Variants in ADAM18 observed in about 807,000 individuals in gnomAD.
The protein encoded by ADAM18 is disintegrin and metalloproteinase domain-containing protein 18.
A neutral mutation model predicts 94.4 loss-of-function variants in ADAM18; 117 were observed. The ratio of observed to expected loss-of-function variants is 1.24; its 90% confidence interval spans 1.07 to 1.45. The LOEUF (loss-of-function observed/expected upper bound fraction) is 1.45. ADAM18 is among the 40% of genes most tolerant of loss of function. ADAM18 has a pLI of 0.00. For synonymous variants in ADAM18, 327 were observed against 291.6 expected (o/e 1.12, Z -1.24); for missense variants, 936 against 880.0 (o/e 1.06, Z -0.81).
intron 10 of ADAM18, among the ~76,000 whole-genome samples, chr8:39,642,595 T>C (rs896625185): frequency 2.0e-5 from 3 of 152,128 alleles, no homozygotes; most frequent in Admixed American, 6.6e-5. Flanking sequence ...GGGATCTCTA[T>C]TCTGTTCCAT....
At chr8:39,672,468 G>T (rs1821182529) in intron 14 of ADAM18, among the ~76,000 whole-genome samples, 1 of 152,186 alleles carries the variant, frequency 6.6e-6, no homozygotes, top group Non-Finnish European at 1.5e-5. Flanking sequence ...GTGTCAGGGA[G>T]AGAGTTAATA....
rs112948747 is a variant in ADAM18, at chr8:39,630,811, G to T, written c.588+1372G>T. On this transcript the variant is annotated intron_variant, in intron 7 of 19. Transcript: ENST00000265707. The stretch of plus-strand genomic sequence containing the variant: ...CTTTGGACAATATTGGTAAACAGTT[G>T]AAAAGTTATTATAGTAATTTCGTAT... 9.7e-3 allele frequency among the ~76,000 whole-genome samples: 1,481 copies of T among 152,014 alleles called. 30 individuals carry two copies. The highest frequency in any genetic ancestry group is 0.034 in the African/African-American group (1,406 of 41,526).
chr8:39,702,795 G>C (rs111711861), intron 17 of ADAM18, among the ~76,000 whole-genome samples: 1 of 152,042 alleles, frequency 6.6e-6, no homozygotes, highest in Non-Finnish European at 1.5e-5. Flanking sequence ...GATAGTTGTC[G>C]GTGTGTGATC....
chr8:39,713,193 G>A (rs926344794), intron 18 of ADAM18, among the ~76,000 whole-genome samples: 14 of 152,156 alleles, frequency 9.2e-5, no homozygotes, highest in African/African-American at 3.4e-4. Flanking sequence ...ATGGGGAAAG[G>A]ATTCACTATT....
At position 39,629,391 on chromosome 8, in the gene ADAM18, A is replaced by T. The variant is rs763445253; in HGVS notation, c.540A>T (p.Lys180Asn). The T allele has an allele frequency of 1.0e-5, 16 of 1,580,124 alleles. No individual in the cohort carries two copies. In the East Asian group the frequency reaches 3.7e-4, roughly 36 times the overall value. The change falls in exon 7 of 20, where the codon AAA becomes AAT. Residue 180 changes from lysine (K) to asparagine (N), a missense_variant. Transcript: ENST00000265707. ...PLNSQIKNLS[K>N]LLPQYLEIYI... ...TTTTCCAGATAAAAAATCTTTCAAAACTATTACCCCAATATCTGGAAATAT... is the reference window on the plus strand; with the variant it reads ...TTTTCCAGATAAAAAATCTTTCAAATCTATTACCCCAATATCTGGAAATAT...
intron 19 of ADAM18, among the ~76,000 whole-genome samples, chr8:39,726,068 C>T (rs1822896967): frequency 6.6e-6 from 1 of 151,954 alleles, no homozygotes; most frequent in Admixed American, 6.5e-5. Context: ...GTAAAGTAAG[C>T]CATTCTAAAT....
chr8:39,695,135 G>A (rs1450854882), intron 17 of ADAM18, among the ~76,000 whole-genome samples: 1 of 151,424 alleles, frequency 6.6e-6, no homozygotes, highest in Non-Finnish European at 1.5e-5. Flanking sequence ...ATCTATTAAA[G>A]GACAATGTGG....
intron 12 of ADAM18, 129 bp downstream of exon 12, chr8:39,648,656 C>A: frequency 1.1e-6 from 1 of 894,032 alleles, no homozygotes; most frequent in Non-Finnish European, 1.6e-6. Context: ...ATATGAGAAA[C>A]AGGATGAGTT....
intron 1 of ADAM18, 125 bp from the exon 2 acceptor site, chr8:39,585,151 A>G (rs958591962): frequency 1.5e-6 from 1 of 655,448 alleles, no homozygotes; most frequent in Non-Finnish European, 2.7e-6. Flanking sequence ...GAGTGTGAGC[A>G]CATGAGAGAA....
chr8:39,629,423 T>A lies in ADAM18; in HGVS notation c.572T>A (p.Ile191Lys), dbSNP rs1280072933. 1 of 1,583,116 alleles carries A rather than the reference T, an allele frequency of 6.3e-7. No individual in the cohort carries two copies. Among genetic ancestry groups the A allele is most frequent in the African/African-American group, 1.4e-5 (1 of 73,010 alleles). ...LLPQYLEIYIIVEKALYDYMG... is the reference protein window; with the variant it reads ...LLPQYLEIYIKVEKALYDYMG... The stretch of plus-strand genomic sequence containing the variant: ...CCCCAATATCTGGAAATATACATTA[T>A]AGTGGAAAAAGCTTTGGTAAGTATG... Residue 191 changes from isoleucine to lysine, a missense_variant, in exon 7 of 20, where the codon ATA (isoleucine) becomes AAA (lysine). Physicochemically the swap from Ile to Lys is moderately radical, Grantham distance 102. Coordinates refer to ENST00000265707, the MANE Select transcript of ADAM18 (RefSeq NM_014237.3).
At chr8:39,709,148 T>C (rs894508998) in intron 18 of ADAM18, among the ~76,000 whole-genome samples, 3 of 152,086 alleles carry the variant, frequency 2.0e-5, no homozygotes, top group Admixed American at 6.5e-5. Context: ...AATTGAAGTA[T>C]GGTAAATGCA....
chr8:39,637,742 A>G lies in ADAM18; in HGVS notation c.827+39A>G, dbSNP rs773453427. ...TCTACATTAATAAAGATATCTGCAT[A>G]ATTATTTTAAATTGGTAATTTAGTG... On this transcript the variant is annotated intron_variant, in intron 9 of 19. Transcript: ENST00000265707. 7 of 1,433,438 alleles carry G rather than the reference A, an allele frequency of 4.9e-6. No individual in the cohort carries two copies. In the South Asian group the frequency reaches 1.2e-4, roughly 24 times the overall value. The allele number at this position is 1,433,438 out of a possible 1,614,324, so 88.8% of individuals were successfully genotyped here.
Position 39,638,630 on chromosome 8 carries a change from G to A in ADAM18, c.909+84G>A, listed in dbSNP as rs1374466368. The A allele has an allele frequency of 2.6e-5, 19 of 721,880 alleles. No homozygotes were observed. In the African/African-American group the frequency reaches 3.2e-4, roughly 12 times the overall value. The allele number at this position is 721,880 out of a possible 1,614,324, so 44.7% of individuals were successfully genotyped here. ...AAGTATTAATTTAAGTAGTTAAATA[G>A]TGTAAAACCATTTGATCTTTTTCTG... is the stretch of plus-strand genomic sequence containing the variant. On this transcript the variant is annotated intron_variant, in intron 10 of 19. Transcript: ENST00000265707.
At chr8:39,623,776 T>G (rs554490505) in intron 6 of ADAM18, among the ~76,000 whole-genome samples, 62 of 152,246 alleles carry the variant, frequency 4.1e-4, no homozygotes, top group African/African-American at 1.3e-3. Context: ...TTTTGTATTT[T>G]TAGTAGAGAA....
At chr8:39,698,587 C>T (rs1821986339) in intron 17 of ADAM18, among the ~76,000 whole-genome samples, 1 of 151,992 alleles carries the variant, frequency 6.6e-6, no homozygotes, top group Non-Finnish European at 1.5e-5. Context: ...TCTGCTACCT[C>T]TCACAGTAGT....
chr8:39,678,899 A>G, intron 15 of ADAM18, among the ~76,000 whole-genome samples: 1 of 152,244 alleles, frequency 6.6e-6, no homozygotes, highest in Non-Finnish European at 1.5e-5. Flanking sequence ...AATAGTTCTA[A>G]GAATTTAACC....
rs979697154 is a variant in ADAM18, at chr8:39,609,455, A to G, written c.268-30A>G. ...TACATTTTTTATTCACAACGAATTT[A>G]TATACTTGCCTTTCTATACTGTTTT... is the stretch of plus-strand genomic sequence containing the variant. On this transcript the variant is annotated intron_variant, in intron 4 of 19. Coordinates refer to ENST00000265707, the MANE Select transcript of ADAM18 (RefSeq NM_014237.3). 2.6e-6 allele frequency: 4 copies of G among 1,519,226 alleles called. No individual in the cohort carries two copies. The African/African-American group carries it at 4.1e-5, about 16-fold the overall frequency. 94.1% of individuals were successfully genotyped at this position (1,519,226 alleles called of 1,614,324 possible). A position where few individuals can be genotyped will look rare whatever the true frequency, so the allele number is the denominator to read the frequency against.
intron 6 of ADAM18, among the ~76,000 whole-genome samples, chr8:39,628,412 GATCA>G (rs1164690132): frequency 8.0e-6 from 1 of 125,494 alleles, no homozygotes; most frequent in Non-Finnish European, 1.7e-5. Context: ...TAGACTGATA[GATCA>G]ATAGATAGAT....
At chr8:39,619,920 C>A (rs1201439935) in intron 6 of ADAM18, among the ~76,000 whole-genome samples, 1 of 151,794 alleles carries the variant, frequency 6.6e-6, no homozygotes, top group African/African-American at 2.4e-5. Flanking sequence ...AGAGAACACC[C>A]CAAATATCTA....
Sources: allele counts gnomAD v4.1 joint callset (sites outside exome capture counted in the v4.1 genomes callset), GRCh38; gene constraint gnomAD v4.1.1; transcripts MANE v1.5; gene names NCBI Gene and HGNC (gene_info 2026-07-23, HGNC 2026-07-21).